CDON: variants seen among roughly 807,000 people sequenced by gnomAD.
CDON encodes the protein cell adhesion molecule-related/down-regulated by oncogenes.
Under a neutral mutation model 120.9 loss-of-function variants are expected in CDON, and 73 were observed. The observed-to-expected ratio is 0.60, with a 90% CI of 0.50 to 0.73. The LOEUF is 0.73. Among genes scored for constraint, CDON ranks in the 30% least tolerant of loss-of-function variants. The pLI, the probability that CDON is intolerant of heterozygous loss-of-function variation, is 0.00. For missense variants in CDON, 1,470 were observed against 1,587.3 expected, an observed-to-expected ratio of 0.93 and a Z score of 1.26; for synonymous variants, 566 against 573.5, an observed-to-expected ratio of 0.99 and a Z score of 0.19.
At chr11:125,977,147 G>C (rs139164877) in intron 18 of CDON, among the ~76,000 whole-genome samples, 1 of 152,266 alleles carries the variant, frequency 6.6e-6, no homozygotes, top group African/African-American at 2.4e-5. Context: ...CAAAAATGTG[G>C]TTTCAATGTT....
At chr11:126,046,219 T>A (rs1159347593) in intron 1 of CDON, among the ~76,000 whole-genome samples, 4 of 152,148 alleles carry the variant, frequency 2.6e-5, no homozygotes, top group Non-Finnish European at 5.9e-5. Context: ...AAAAAAGTTA[T>A]AAGAATCTTA....
chr11:126,055,075 T>G (rs1360642830), intron 1 of CDON, among the ~76,000 whole-genome samples: 2 of 152,170 alleles, frequency 1.3e-5, no homozygotes, highest in South Asian at 4.1e-4. Context: ...AGTCACGTGA[T>G]CACATATTTA....
chr11:126,051,787 A>G (rs182223912), intron 1 of CDON, among the ~76,000 whole-genome samples: 4,633 of 151,428 alleles, frequency 0.031, 106 homozygotes, highest in Middle Eastern at 0.071. Flanking sequence ...AGCTGGGATT[A>G]CAGGCACCCA....
intron 1 of CDON, among the ~76,000 whole-genome samples, chr11:126,029,327 G>A (rs539707203): frequency 7.2e-5 from 11 of 152,078 alleles, no homozygotes; most frequent in Non-Finnish European, 1.6e-4. Flanking sequence ...AAAAAACAAC[G>A]TGGACACAAA....
intron 3 of CDON, among the ~76,000 whole-genome samples, 170 bp downstream of exon 3, chr11:126,021,078 C>T (rs2134692394): frequency 6.6e-6 from 1 of 152,144 alleles, no homozygotes; most frequent in South Asian, 2.1e-4. Context: ...GCCAGGCTCA[C>T]AGAGGTCTAA....
At chr11:125,972,940 C>T (rs1380983294) in intron 18 of CDON, among the ~76,000 whole-genome samples, 1 of 151,692 alleles carries the variant, frequency 6.6e-6, no homozygotes. Context: ...GTGTTCTCTG[C>T]CTCAGTGACT....
chr11:125,968,807 A>C (rs1945879262), intron 18 of CDON, among the ~76,000 whole-genome samples: 1 of 152,190 alleles, frequency 6.6e-6, no homozygotes, highest in Admixed American at 6.5e-5. Flanking sequence ...TCAGTAATTA[A>C]CCAATTAGCT....
intron 12 of CDON, among the ~76,000 whole-genome samples, chr11:125,996,181 C>T (rs1370774974): frequency 6.6e-6 from 1 of 151,446 alleles, no homozygotes; most frequent in Non-Finnish European, 1.5e-5. Flanking sequence ...CACACACACA[C>T]ACACACACAC....
chr11:126,005,653 T>C (rs1947099311), intron 9 of CDON, 106 bp downstream of exon 9: 14 of 1,058,740 alleles, frequency 1.3e-5, no homozygotes, highest in Non-Finnish European at 2.0e-5. Flanking sequence ...TCTGGAAGAC[T>C]CTTGTTCTGT....
At chr11:125,992,138 C>T (rs1049293315) in intron 14 of CDON, among the ~76,000 whole-genome samples, 1 of 152,136 alleles carries the variant, frequency 6.6e-6, no homozygotes, top group Admixed American at 6.5e-5. Context: ...TATTTAGCCT[C>T]TGTCAAAAAA....
chr11:126,044,656 T>C (rs1948356451), intron 1 of CDON, among the ~76,000 whole-genome samples: 1 of 152,214 alleles, frequency 6.6e-6, no homozygotes, highest in South Asian at 2.1e-4. Context: ...AAATTTCACA[T>C]GTTCTCATTC....
chr11:126,012,410 T>C (rs1947329880), intron 7 of CDON, among the ~76,000 whole-genome samples: 1 of 152,154 alleles, frequency 6.6e-6, no homozygotes, highest in Non-Finnish European at 1.5e-5. Flanking sequence ...AACTGATTTT[T>C]TTTTTTTAAG....
At chr11:125,967,247 T>C (rs537463767) in intron 18 of CDON, among the ~76,000 whole-genome samples, 2 of 152,266 alleles carry the variant, frequency 1.3e-5, no homozygotes, top group South Asian at 4.1e-4. Flanking sequence ...GTCGTAAAAG[T>C]CCTAATTCAC....
chr11:125,983,628 A>T lies in CDON; in HGVS notation c.2995+244T>A, dbSNP rs61640441. Among the ~76,000 whole-genome samples, 4,485 of 152,242 alleles carry T rather than the reference A, an allele frequency of 0.029. 240 individuals are homozygous for T. The highest frequency in any genetic ancestry group is 0.1 in the African/African-American group (4,274 of 41,522). On this transcript the variant is annotated intron_variant, in intron 16 of 19. Transcript: ENST00000531738. ...TTTCCCAGCAATAAGTCAGCTATTTACTTAGAGACCTGCTTAGTTTTGGCT... is the reference window on the plus strand; with the variant it reads ...TTTCCCAGCAATAAGTCAGCTATTTTCTTAGAGACCTGCTTAGTTTTGGCT...
intron 18 of CDON, among the ~76,000 whole-genome samples, chr11:125,968,981 C>A (rs1166039816): frequency 6.6e-6 from 1 of 152,190 alleles, no homozygotes; most frequent in Non-Finnish European, 1.5e-5. Context: ...TATAACCAGA[C>A]ATGATATATG....
intron 12 of CDON, among the ~76,000 whole-genome samples, chr11:125,995,283 T>C (rs1009582862): frequency 6.6e-6 from 1 of 152,164 alleles, no homozygotes; most frequent in Non-Finnish European, 1.5e-5. Flanking sequence ...CAAGACCTTC[T>C]TAGGAGTCAC....
intron 11 of CDON, among the ~76,000 whole-genome samples, chr11:126,001,384 C>A (rs542322616): frequency 6.6e-6 from 1 of 152,006 alleles, no homozygotes; most frequent in South Asian, 2.1e-4. Context: ...GAGACAGGGT[C>A]TCCCCCTCTG....
chr11:126,047,401 C>T (rs932322251), intron 1 of CDON, among the ~76,000 whole-genome samples: 2 of 152,150 alleles, frequency 1.3e-5, no homozygotes, highest in Admixed American at 6.5e-5. Context: ...CGAACCCAAG[C>T]ACATACAATC....
chr11:125,994,453 GTTTC>G, intron 13 of CDON, 64 bp from the exon 14 acceptor site: 4 of 912,076 alleles, frequency 4.4e-6, no homozygotes, highest in Admixed American at 3.7e-5. Flanking sequence ...ATTCATTAAG[GTTTC>G]TTTATCTACT....
Sources: allele counts gnomAD v4.1 joint callset (sites outside exome capture counted in the v4.1 genomes callset), GRCh38; gene constraint gnomAD v4.1.1; transcripts MANE v1.5; gene names NCBI Gene and HGNC (gene_info 2026-07-23, HGNC 2026-07-21).